The following RPS6KA6 variants were observed in gnomAD, a reference collection of about 807,000 sequenced individuals.
RPS6KA6 encodes ribosomal protein S6 kinase alpha-6.
Under a neutral mutation model 65.4 loss-of-function variants are expected in RPS6KA6, and 27 were observed. That is an observed-to-expected ratio of 0.41 (90% CI 0.30 to 0.57). The LOEUF (loss-of-function observed/expected upper bound fraction) is 0.57, where lower values mean the gene tolerates loss of function less well. Ranked by LOEUF, RPS6KA6 falls within the 20% of genes least tolerant of loss-of-function variation. The pLI, the probability that RPS6KA6 is intolerant of heterozygous loss-of-function variation, is 0.24. For missense variants in RPS6KA6, 486 were observed against 555.6 expected (o/e 0.87, Z 1.26); for synonymous variants, 190 against 184.2 (o/e 1.03, Z -0.26).
intron 18 of RPS6KA6, among the ~76,000 whole-genome samples, chrX:84,100,900 CAGTAT>C (rs1424028241): frequency 1.8e-5 from 2 of 110,535 alleles, no homozygotes; most frequent in East Asian, 2.8e-4. Context: ...TCTTCAATAT[CAGTAT>C]AGTATTTTCT....
chrX:84,152,686 A>C (rs2147572949), intron 3 of RPS6KA6, among the ~76,000 whole-genome samples: 1 of 111,626 alleles, frequency 9.0e-6, no homozygotes, highest in Non-Finnish European at 1.9e-5. Context: ...GGGATACAGA[A>C]ATAAACTGTG....
intron 2 of RPS6KA6, among the ~76,000 whole-genome samples, chrX:84,157,567 C>G (rs1336399573): frequency 9.0e-6 from 1 of 110,647 alleles, no homozygotes; most frequent in Non-Finnish European, 1.9e-5. Flanking sequence ...CACCTATAAG[C>G]TAAGAAACCT....
Position 84,059,782 on chromosome X carries a change from T to A in RPS6KA6, c.*4495A>T, listed in dbSNP as rs1230874102. The A allele has an allele frequency of 8.9e-6, 1 of 111,861 alleles. No homozygotes were observed. Among genetic ancestry groups the A allele is most frequent in the Admixed American group, 9.5e-5 (1 of 10,480 alleles). The allele number at this position is 111,861 out of a possible 1,213,427, so 9.2% of individuals were successfully genotyped here. On this transcript the variant is annotated 3_prime_UTR_variant, in exon 22 of 22. Transcript: ENST00000262752. ...AGCTCTATTGTCCAGCGTTTAGAAA[T>A]GTGAATACAAAGCAAACCCTAACTT...
intron 1 of RPS6KA6, among the ~76,000 whole-genome samples, chrX:84,184,776 A>G (rs1161900983): frequency 1.1e-5 from 1 of 91,557 alleles, no homozygotes; most frequent in Non-Finnish European, 2.1e-5. Context: ...GTTTGAGTCC[A>G]GGAGTTCGAG....
At position 84,105,791 on chromosome X, in the gene RPS6KA6, T is replaced by C; in HGVS notation, c.1451A>G (p.Lys484Arg). The change falls in exon 16 of 22, where the codon AAG (lysine) becomes AGG (arginine). Residue 484 changes from lysine (K) to arginine (R), a missense_variant. By Grantham distance (26) the Lys-to-Arg change is conservative (BLOSUM62 2). Transcript: ENST00000262752. Reference sequence around the variant, plus strand: ...CCTAGATTTAGAAATACCTACATCCTTCAAAGTAATAATGTTGGGATGTTG... The same window carrying C: ...CCTAGATTTAGAAATACCTACATCCCTCAAAGTAATAATGTTGGGATGTTG... ...YGQHPNIITL[K>R]DVFDDGRYVY... The C allele has an allele frequency of 9.0e-7, 1 of 1,109,318 alleles. No individual in the cohort carries two copies. The highest frequency in any genetic ancestry group is 1.2e-6 in the Non-Finnish European group (1 of 811,081). 91.4% of individuals were successfully genotyped at this position (1,109,318 alleles called of 1,213,427 possible). A position where few individuals can be genotyped will look rare whatever the true frequency, so the allele number is the denominator to read the frequency against.
Position 84,064,117 on chromosome X carries a change from G to C in RPS6KA6, c.*160C>G. 1 of 555,680 alleles carries C rather than the reference G, an allele frequency of 1.8e-6. No individual in the cohort carries two copies. Among genetic ancestry groups the C allele is most frequent in the Non-Finnish European group, 2.8e-6 (1 of 361,820 alleles). The allele number at this position is 555,680 out of a possible 1,213,427, so 45.8% of individuals were successfully genotyped here. On this transcript the variant is annotated 3_prime_UTR_variant, in exon 22 of 22. Coordinates refer to ENST00000262752, the MANE Select transcript of RPS6KA6 (RefSeq NM_014496.5). The stretch of plus-strand genomic sequence containing the variant: ...CACATAGTATGAATATTGTGGACCT[G>C]TGAATGGTTTTTTAAATCTCACTTC...
At chrX:84,147,899 TA>T (rs2035227570) in intron 4 of RPS6KA6, 142 bp downstream of exon 4, 1 of 365,914 alleles carries the variant, frequency 2.7e-6, no homozygotes, top group Admixed American at 5.3e-5. Flanking sequence ...AATCTAGTAA[TA>T]TTACCTACAG....
chrX:84,111,760 C>T (rs2034474577), intron 12 of RPS6KA6, among the ~76,000 whole-genome samples: 1 of 111,395 alleles, frequency 9.0e-6, no homozygotes, highest in Non-Finnish European at 1.9e-5. Context: ...CTCAAAGATC[C>T]TATAAAACAA....
Position 84,071,062 on chromosome X carries a change from C to A in RPS6KA6, c.1972-5951G>T, listed in dbSNP as rs190391266. On this transcript the variant is annotated intron_variant, in intron 20 of 21. Coordinates refer to ENST00000262752, the MANE Select transcript of RPS6KA6 (RefSeq NM_014496.5). ...TTACCAACCTGAGAGAGTTTTCTAG[C>A]TGCTGTGCAGGTAAGGGAAACTCAG... Among the ~76,000 whole-genome samples the A allele has an allele frequency of 1.9e-3, 214 of 111,646 alleles. 1 individual carries two copies. The highest frequency in any genetic ancestry group is 6.5e-3 in the African/African-American group (201 of 30,770).
chrX:84,092,047 CAGG>C (rs2034057699), intron 20 of RPS6KA6, among the ~76,000 whole-genome samples: 1 of 110,484 alleles, frequency 9.1e-6, no homozygotes, highest in Admixed American at 9.7e-5. Flanking sequence ...GGGGGAGGGG[CAGG>C]AGGAGAGTGA....
At chrX:84,146,017 T>G (rs1171911865) in intron 5 of RPS6KA6, among the ~76,000 whole-genome samples, 1 of 111,536 alleles carries the variant, frequency 9.0e-6, no homozygotes, top group Non-Finnish European at 1.9e-5. Context: ...ACCTCCTTAA[T>G]AGTACTTATT....
chrX:84,104,463 C>A (rs1296798098), intron 17 of RPS6KA6, 36 bp downstream of exon 17: 7 of 1,008,548 alleles, frequency 6.9e-6, no homozygotes, highest in Non-Finnish European at 9.1e-6. Context: ...AGATATAGGT[C>A]CCAGAATAGA....
intron 12 of RPS6KA6, among the ~76,000 whole-genome samples, chrX:84,115,044 T>C (rs1280222976): frequency 8.9e-6 from 1 of 112,024 alleles, no homozygotes; most frequent in Non-Finnish European, 1.9e-5. Context: ...TGGACATTGA[T>C]CTATACAAAG....
At chrX:84,175,953 TA>T (rs918004798) in intron 1 of RPS6KA6, among the ~76,000 whole-genome samples, 20 of 111,043 alleles carry the variant, frequency 1.8e-4, no homozygotes, top group East Asian at 5.6e-4. Flanking sequence ...TAGAACCAAT[TA>T]AAAAAAATCC....
intron 8 of RPS6KA6, among the ~76,000 whole-genome samples, chrX:84,130,155 T>TA (rs757964839): frequency 9.0e-6 from 1 of 111,123 alleles, no homozygotes; most frequent in Non-Finnish European, 1.9e-5. Context: ...ATTTAAATTT[T>TA]AAAAAATATA....
rs762374392 is a variant in RPS6KA6 at position 84,147,072 on chromosome X, A to G, written c.341-14T>C. On this transcript the variant is annotated splice_polypyrimidine_tract_variant and intron_variant, in intron 4 of 21. Coordinates refer to ENST00000262752, the MANE Select transcript of RPS6KA6 (RefSeq NM_014496.5). ...CTCTGTCTCGAACTAAAAATTACATAAAGGTACAATATATTGCTCTCTTAC... is the reference window on the plus strand; with the variant it reads ...CTCTGTCTCGAACTAAAAATTACATGAAGGTACAATATATTGCTCTCTTAC... The G allele has an allele frequency of 2.0e-6, 2 of 1,010,038 alleles. No individual in the cohort carries two copies. The highest frequency in any genetic ancestry group is 1.9e-5 in the African/African-American group (1 of 53,789). The allele number at this position is 1,010,038 out of a possible 1,213,427, so 83.2% of individuals were successfully genotyped here. A position where few individuals can be genotyped will look rare whatever the true frequency, so the allele number is the denominator to read the frequency against.
At chrX:84,184,013 A>C (rs1329868707) in intron 1 of RPS6KA6, among the ~76,000 whole-genome samples, 1 of 112,373 alleles carries the variant, frequency 8.9e-6, no homozygotes, top group African/African-American at 3.2e-5. Context: ...GAATTGAACC[A>C]ATTCCTACCA....
At chrX:84,110,409 A>G (rs770943515) in intron 12 of RPS6KA6, among the ~76,000 whole-genome samples, 11 of 111,968 alleles carry the variant, frequency 9.8e-5, no homozygotes, top group African/African-American at 3.2e-4. Flanking sequence ...CTCACCCCTC[A>G]TGGGACAAAA....
At chrX:84,113,287 T>C (rs1481818363) in intron 12 of RPS6KA6, among the ~76,000 whole-genome samples, 1 of 109,871 alleles carries the variant, frequency 9.1e-6, no homozygotes, top group African/African-American at 3.3e-5. Context: ...AATTGAGGAG[T>C]TGGGAATCCT....
Sources: gnomAD v4.1 joint callset for allele counts (sites outside exome capture counted in the v4.1 genomes callset) on GRCh38, gnomAD v4.1.1 for gene constraint, MANE v1.5 for transcripts, NCBI Gene and HGNC (gene_info 2026-07-23, HGNC 2026-07-21) for gene names.